The following EPHB2 variants were observed in gnomAD, a reference collection of about 807,000 sequenced individuals.
The protein encoded by EPHB2 is EPH receptor B2.
Under a neutral mutation model 96.4 loss-of-function variants are expected in EPHB2, and 18 were observed. The ratio of observed to expected loss-of-function variants is 0.19; its 90% confidence interval spans 0.13 to 0.28. The LOEUF is 0.28. EPHB2 is among the 10% of genes least tolerant of loss of function. The pLI is 1.00. For synonymous variants in EPHB2, 506 were observed against 534.1 expected, an observed-to-expected ratio of 0.95 and a Z score of 0.72; for missense variants, 989 against 1,355.4, an observed-to-expected ratio of 0.73 and a Z score of 4.25.
intron 1 of EPHB2, among the ~76,000 whole-genome samples, chr1:22,740,841 C>T (rs1164003621): frequency 6.6e-6 from 1 of 151,334 alleles, no homozygotes; most frequent in East Asian, 2.0e-4. Context: ...GTACTCATTT[C>T]TTCAGCTTTC....
At chr1:22,842,467 C>T (rs1645484052) in intron 3 of EPHB2, among the ~76,000 whole-genome samples, 1 of 152,088 alleles carries the variant, frequency 6.6e-6, no homozygotes, top group Non-Finnish European at 1.5e-5. Context: ...CCATAGTCAT[C>T]CGTGCCTGAA....
intron 3 of EPHB2, among the ~76,000 whole-genome samples, chr1:22,838,688 G>T (rs1025847177): frequency 2.6e-5 from 4 of 152,204 alleles, no homozygotes; most frequent in African/African-American, 7.2e-5. Flanking sequence ...CAGCACTTTG[G>T]GAGGCCGAGG....
intron 3 of EPHB2, among the ~76,000 whole-genome samples, chr1:22,804,563 C>A (rs149976765): frequency 5.8e-4 from 89 of 152,170 alleles, no homozygotes; most frequent in African/African-American, 2.0e-3. Flanking sequence ...CACTCACAGT[C>A]CTCAGCCACC....
chr1:22,714,918 C>T (rs1252653066), intron 1 of EPHB2, among the ~76,000 whole-genome samples: 1 of 152,180 alleles, frequency 6.6e-6, no homozygotes, highest in African/African-American at 2.4e-5. Flanking sequence ...TCTTTCCATC[C>T]CACCTGCTTT....
intron 3 of EPHB2, among the ~76,000 whole-genome samples, chr1:22,848,207 AGAG>A (rs1645571728): frequency 6.6e-6 from 1 of 152,194 alleles, no homozygotes. Flanking sequence ...GAGATTAAGA[AGAG>A]AACTCATACT....
At chr1:22,842,870 C>T (rs1347926514) in intron 3 of EPHB2, among the ~76,000 whole-genome samples, 2 of 152,022 alleles carry the variant, frequency 1.3e-5, no homozygotes, top group Non-Finnish European at 2.9e-5. Flanking sequence ...TCTTGTCCTT[C>T]AGGTCTCAGC....
chr1:22,766,659 A>G (rs1644311910), intron 1 of EPHB2, among the ~76,000 whole-genome samples: 1 of 152,288 alleles, frequency 6.6e-6, no homozygotes, highest in African/African-American at 2.4e-5. Flanking sequence ...TTGGGAGCCC[A>G]TCAGCCTGAG....
intron 3 of EPHB2, among the ~76,000 whole-genome samples, chr1:22,795,113 C>T (rs2148439458): frequency 6.6e-6 from 1 of 152,180 alleles, no homozygotes; most frequent in South Asian, 2.1e-4. Flanking sequence ...GGCCTGTTAT[C>T]CTCACTCCCC....
intron 3 of EPHB2, among the ~76,000 whole-genome samples, chr1:22,848,228 G>A (rs1045100339): frequency 2.6e-5 from 4 of 152,164 alleles, no homozygotes; most frequent in Admixed American, 2.6e-4. Flanking sequence ...ACTTCTTAGG[G>A]ATCCAGACTA....
At chr1:22,787,616 G>A (rs1267717106) in intron 3 of EPHB2, among the ~76,000 whole-genome samples, 1 of 152,108 alleles carries the variant, frequency 6.6e-6, no homozygotes, top group South Asian at 2.1e-4. Flanking sequence ...AATTAGCCAG[G>A]TGTGGTGATG....
intron 1 of EPHB2, among the ~76,000 whole-genome samples, chr1:22,715,311 C>G (rs2148330822): frequency 6.6e-6 from 1 of 152,116 alleles, no homozygotes; most frequent in Admixed American, 6.5e-5. Context: ...ACGAATAGAC[C>G]AGTTCAGAGG....
At chr1:22,897,795 A>AAAAT (rs773888578) in intron 9 of EPHB2, among the ~76,000 whole-genome samples, 8 of 147,848 alleles carry the variant, frequency 5.4e-5, no homozygotes, top group African/African-American at 2.0e-4. Flanking sequence ...TCAAAATAAA[A>AAAAT]AAATAAATAA....
chr1:22,772,224 G>A (rs573326212), intron 1 of EPHB2, among the ~76,000 whole-genome samples: 1 of 152,264 alleles, frequency 6.6e-6, no homozygotes, highest in South Asian at 2.1e-4. Flanking sequence ...GGAGGATTGG[G>A]TTTCAGCCGG....
intron 1 of EPHB2, among the ~76,000 whole-genome samples, chr1:22,713,740 C>T (rs1643220392): frequency 6.6e-6 from 1 of 152,216 alleles, no homozygotes; most frequent in African/African-American, 2.4e-5. Flanking sequence ...TTCCTCCTTC[C>T]TTGTCTCCTC....
Position 22,826,303 on chromosome 1 carries a change from G to A in EPHB2, c.812-36734G>A, listed in dbSNP as rs112227232. On this transcript the variant is annotated intron_variant, in intron 3 of 15. Transcript: ENST00000374630. ...GCCTTGGGCTTAAGGAGTATGTTTG[G>A]CATTTCCTTGTAGTACCAGTTCCCA... 3.3e-5 allele frequency among the ~76,000 whole-genome samples: 5 copies of A among 152,304 alleles called. 1 individual carries two copies. Among genetic ancestry groups the A allele is most frequent in the African/African-American group, 9.6e-5 (4 of 41,570 alleles).
chr1:22,850,876 G>A (rs1258096112), intron 3 of EPHB2, among the ~76,000 whole-genome samples: 1 of 152,264 alleles, frequency 6.6e-6, no homozygotes, highest in Non-Finnish European at 1.5e-5. Flanking sequence ...TCTCAGGGCA[G>A]CCAAGAGGTC....
intron 3 of EPHB2, among the ~76,000 whole-genome samples, chr1:22,845,389 C>A (rs1032684268): frequency 6.6e-6 from 1 of 152,134 alleles, no homozygotes; most frequent in African/African-American, 2.4e-5. Context: ...ACTAAAGAGA[C>A]CCTTCTAAGC....
At chr1:22,876,737 G>A (rs922490063) in intron 5 of EPHB2, among the ~76,000 whole-genome samples, 1 of 152,186 alleles carries the variant, frequency 6.6e-6, no homozygotes, top group Non-Finnish European at 1.5e-5. Context: ...TGGGCAGCAG[G>A]AGGGGTGGGA....
At chr1:22,851,420 A>G (rs1645623947) in intron 3 of EPHB2, among the ~76,000 whole-genome samples, 1 of 152,232 alleles carries the variant, frequency 6.6e-6, no homozygotes, top group Admixed American at 6.5e-5. Context: ...GAGGGCAAGG[A>G]CATGGGAGAG....
Sources: gnomAD v4.1 joint callset for allele counts (sites outside exome capture counted in the v4.1 genomes callset) on GRCh38, gnomAD v4.1.1 for gene constraint, MANE v1.5 for transcripts, NCBI Gene and HGNC (gene_info 2026-07-23, HGNC 2026-07-21) for gene names.